Variants in SWT1 observed in about 807,000 individuals in gnomAD.
The protein encoded by SWT1 is SWT1 RNA endoribonuclease homolog.
In SWT1, 33 loss-of-function variants were observed where a neutral mutation model predicts 107.3. The observed-to-expected ratio is 0.31, with a 90% CI of 0.23 to 0.41. SWT1 has a LOEUF of 0.41. Ranked by LOEUF, SWT1 falls within the 10% of genes least tolerant of loss-of-function variation. SWT1 has a pLI of 1.00. For missense variants in SWT1, 898 were observed against 1,028.9 expected (o/e 0.87, Z 1.74); for synonymous variants, 345 against 348.3 (o/e 0.99, Z 0.11).
chr1:185,247,045 T>C (rs1661665899), intron 16 of SWT1, among the ~76,000 whole-genome samples: 1 of 152,194 alleles, frequency 6.6e-6, no homozygotes, highest in Admixed American at 6.5e-5. Context: ...TTGCGTGTGA[T>C]TGCCTTATTA....
intron 17 of SWT1, among the ~76,000 whole-genome samples, chr1:185,273,050 G>A (rs1484904384): frequency 5.9e-5 from 9 of 151,884 alleles, no homozygotes; most frequent in Admixed American, 5.2e-4. Flanking sequence ...AAAAGGGGGA[G>A]GGGATGGTTA....
rs368535280 is a variant in SWT1, at chr1:185,166,564, A to G, written c.85-8A>G. ...TTTTAAAATTCATTTTCTTTATTGC[A>G]TTCTTAGGACAAGAAAGAGAGAAAA... On this transcript the variant is annotated splice_region_variant and splice_polypyrimidine_tract_variant and intron_variant, in intron 2 of 18. Transcript: ENST00000367500. The G allele has an allele frequency of 3.2e-6, 5 of 1,562,400 alleles. No individual in the cohort carries two copies. The highest frequency in any genetic ancestry group is 3.5e-6 in the Non-Finnish European group (4 of 1,141,386).
At chr1:185,287,160 T>C (rs1664994340) in intron 18 of SWT1, among the ~76,000 whole-genome samples, 1 of 152,198 alleles carries the variant, frequency 6.6e-6, no homozygotes, top group Non-Finnish European at 1.5e-5. Context: ...AATTAGATCA[T>C]GTAAATTCAC....
At chr1:185,261,663 T>C (rs764389330) in intron 16 of SWT1, among the ~76,000 whole-genome samples, 4 of 131,212 alleles carry the variant, frequency 3.0e-5, no homozygotes, top group Non-Finnish European at 6.3e-5. Flanking sequence ...CCAATGCCTG[T>C]GATTTTCTGC....
intron 12 of SWT1, among the ~76,000 whole-genome samples, chr1:185,205,350 T>C (rs1658248882): frequency 6.6e-6 from 1 of 152,150 alleles, no homozygotes; most frequent in African/African-American, 2.4e-5. Context: ...TAATAATGGT[T>C]TCAAAAGTTC....
chr1:185,240,722 C>T (rs1279982700), intron 16 of SWT1, among the ~76,000 whole-genome samples: 1 of 152,072 alleles, frequency 6.6e-6, no homozygotes, highest in Non-Finnish European at 1.5e-5. Context: ...ACCTCTGTCA[C>T]ATTCTTGTGG....
intron 16 of SWT1, among the ~76,000 whole-genome samples, chr1:185,244,744 T>G (rs1400582795): frequency 1.3e-5 from 2 of 152,226 alleles, no homozygotes; most frequent in African/African-American, 4.8e-5. Context: ...AACTTTTGAT[T>G]TTTTAATACT....
rs1194501870 is a variant in SWT1, at chr1:185,281,347, A to T, written c.2573+4679A>T. Reference sequence around the variant, plus strand: ...TGTTGATAGAACTACAACCACAAAAACATTTGAGCATGTGACTGTGAAACT... The same window carrying T: ...TGTTGATAGAACTACAACCACAAAATCATTTGAGCATGTGACTGTGAAACT... On this transcript the variant is annotated intron_variant, in intron 18 of 18. Transcript: ENST00000367500. 5 of 236,296 alleles carry T rather than the reference A, an allele frequency of 2.1e-5. No homozygotes were observed. The Admixed American group carries it at 2.1e-4, about 10-fold the overall frequency. 14.6% of individuals were successfully genotyped at this position (236,296 alleles called of 1,614,324 possible). A position where few individuals can be genotyped will look rare whatever the true frequency, so the allele number is the denominator to read the frequency against.
chr1:185,161,271 T>C (rs115604364), intron 2 of SWT1, among the ~76,000 whole-genome samples: 187 of 152,292 alleles, frequency 1.2e-3, no homozygotes, highest in African/African-American at 4.4e-3. Flanking sequence ...TTTTCCATGT[T>C]TTCTCCTTTT....
chr1:185,273,336 T>C (rs1201027072), intron 17 of SWT1, among the ~76,000 whole-genome samples: 6 of 143,322 alleles, frequency 4.2e-5, no homozygotes, highest in East Asian at 2.1e-4. Context: ...ACCTGGGAGG[T>C]GGAGGTTGCA....
At chr1:185,219,381 G>T (rs1659461226) in intron 14 of SWT1, among the ~76,000 whole-genome samples, 1 of 152,094 alleles carries the variant, frequency 6.6e-6, no homozygotes. Context: ...AGGATTAAAT[G>T]AGCTAATAAA....
chr1:185,254,739 T>A (rs1330508481), intron 16 of SWT1, among the ~76,000 whole-genome samples: 3 of 151,542 alleles, frequency 2.0e-5, no homozygotes, highest in Admixed American at 2.0e-4. Context: ...AGCTCCTGGA[T>A]TCATTAATTT....
intron 16 of SWT1, among the ~76,000 whole-genome samples, chr1:185,257,420 AGCAATCAGCGAGACTCCGTGG>A (rs1662649468): frequency 1.3e-5 from 2 of 152,012 alleles, no homozygotes; most frequent in Non-Finnish European, 2.9e-5. Context: ...CTGCTGTGCT[AGCAATCAGCGAGACTCCGTGG>A]GCGTAGGACC....
At chr1:185,283,226 A>G (rs2102776774) in intron 18 of SWT1, among the ~76,000 whole-genome samples, 1 of 152,310 alleles carries the variant, frequency 6.6e-6, no homozygotes, top group South Asian at 2.1e-4. Flanking sequence ...TGAAAAGTGA[A>G]TTCCATAAGA....
At chr1:185,271,168 A>G (rs1663830197) in intron 16 of SWT1, among the ~76,000 whole-genome samples, 155 bp from the exon 17 acceptor site, 1 of 152,206 alleles carries the variant, frequency 6.6e-6, no homozygotes, top group Non-Finnish European at 1.5e-5. Flanking sequence ...TGGTTTTATA[A>G]TTTTTAATTG....
intron 10 of SWT1, 131 bp downstream of exon 10, chr1:185,190,773 C>T: frequency 1.8e-6 from 1 of 556,868 alleles, no homozygotes; most frequent in Non-Finnish European, 3.2e-6. Flanking sequence ...TAAGCATACC[C>T]ACTTGTATCT....
At chr1:185,191,852 G>T (rs1656976721) in intron 10 of SWT1, among the ~76,000 whole-genome samples, 1 of 151,762 alleles carries the variant, frequency 6.6e-6, no homozygotes, top group Admixed American at 6.6e-5. Context: ...GCTTTTTTTG[G>T]GATTAACAGA....
Position 185,230,947 on chromosome 1 carries a change from C to T in SWT1, c.2310-630C>T, listed in dbSNP as rs1040830251. Among the ~76,000 whole-genome samples the T allele has an allele frequency of 9.9e-5, 15 of 152,174 alleles. No individual in the cohort carries two copies. In the South Asian group the frequency reaches 1.2e-3, roughly 13 times the overall value. ...TTTTTTTTCTAGAGACAAGGTTGAA[C>T]GATGTTGCCTAGGCAGGTCTCAAAC... On this transcript the variant is annotated intron_variant, in intron 15 of 18. Coordinates refer to ENST00000367500, the MANE Select transcript of SWT1 (RefSeq NM_017673.7).
chr1:185,263,202 T>C (rs1663150261), intron 16 of SWT1: 1 of 152,146 alleles, frequency 6.6e-6, no homozygotes, highest in Non-Finnish European at 1.5e-5. Flanking sequence ...ATCCACATTC[T>C]GCAGTACTGG....
Sources: gnomAD v4.1 joint callset for allele counts (sites outside exome capture counted in the v4.1 genomes callset) on GRCh38, gnomAD v4.1.1 for gene constraint, MANE v1.5 for transcripts, NCBI Gene and HGNC (gene_info 2026-07-23, HGNC 2026-07-21) for gene names.